The following ERLN variants were observed in gnomAD, a reference collection of about 807,000 sequenced individuals.
ERLN encodes small integral membrane protein 6.
At chr17:75,646,752 C>T in the ERLN span, 37 of 152,682 alleles carry the variant, frequency 2.4e-4, no homozygotes, top group African/African-American at 8.2e-4. Flanking sequence ...CTGAATTGCC[C>T]TTGTAGGACC....
At chr17:75,647,328 G>T in the ERLN span, 2 of 1,491,052 alleles carry the variant, frequency 1.3e-6, no homozygotes, top group Non-Finnish European at 1.8e-6. Flanking sequence ...GACAGGGCCT[G>T]GGAGGGCTGC....
chr17:75,647,658 A>G, the ERLN span: 14 of 1,230,870 alleles, frequency 1.1e-5, no homozygotes, highest in Non-Finnish European at 1.5e-5. Context: ...CCTCTGGCTC[A>G]GGGGCCAAGC....
the ERLN span, chr17:75,647,349 G>A: frequency 4.6e-6 from 7 of 1,530,654 alleles, no homozygotes; most frequent in Non-Finnish European, 6.2e-6. Flanking sequence ...CTGCACTCAG[G>A]TCCTCTGTCC....
chr17:75,647,690 C>G, the ERLN span: 1 of 869,688 alleles, frequency 1.1e-6, no homozygotes, highest in South Asian at 1.8e-5. Context: ...CCTTTCCCAT[C>G]AGGAAAAAGT....
chr17:75,647,129 T>C, the ERLN span, among the ~76,000 whole-genome samples: 4 of 152,160 alleles, frequency 2.6e-5, no homozygotes, highest in Non-Finnish European at 5.9e-5. Context: ...CTAGGAAGAA[T>C]CCAGGGCCCC....
chr17:75,647,295 G>C, the ERLN span: 1 of 1,298,800 alleles, frequency 7.7e-7, no homozygotes, highest in Non-Finnish European at 1.0e-6. Flanking sequence ...GGCTGGAGTC[G>C]GCGGGCAGAG....
At chr17:75,647,946 A>C in the ERLN span, 1 of 187,206 alleles carries the variant, frequency 5.3e-6, no homozygotes, top group Non-Finnish European at 1.2e-5. Flanking sequence ...ACACAACCAA[A>C]TGAAATAAAA....
At chr17:75,646,839 G>A in the ERLN span, 1 of 152,986 alleles carries the variant, frequency 6.5e-6, no homozygotes, top group Non-Finnish European at 1.5e-5. Flanking sequence ...CTATGGGCTT[G>A]CAGTCTGCGA....
chr17:75,647,417 C>A, the ERLN span: 2 of 1,549,836 alleles, frequency 1.3e-6, 1 homozygote, highest in South Asian at 2.4e-5. Flanking sequence ...TGGAATGATG[C>A]GTTCTGGCAG....
At chr17:75,647,146 T>G in the ERLN span, among the ~76,000 whole-genome samples, 1 of 152,218 alleles carries the variant, frequency 6.6e-6, no homozygotes, top group Admixed American at 6.5e-5. Context: ...CCCCACTTCT[T>G]GCGCCAGTCC....
chr17:75,647,541 G>C, the ERLN span: 1 of 1,550,300 alleles, frequency 6.5e-7, no homozygotes, highest in Non-Finnish European at 8.7e-7. Context: ...AAAACACTCA[G>C]TGTGAAGCGG....
At chr17:75,646,940 C>T in the ERLN span, among the ~76,000 whole-genome samples, 4 of 152,202 alleles carry the variant, frequency 2.6e-5, no homozygotes, top group African/African-American at 9.7e-5. Context: ...GGCCCCTCCT[C>T]GGCTCCTATA....
chr17:75,647,690 C>A, the ERLN span: 7 of 869,562 alleles, frequency 8.1e-6, no homozygotes, highest in African/African-American at 1.0e-4. Flanking sequence ...CCTTTCCCAT[C>A]AGGAAAAAGT....
At chr17:75,647,548 G>C in the ERLN span, 2 of 1,550,236 alleles carry the variant, frequency 1.3e-6, no homozygotes, top group South Asian at 2.4e-5. Context: ...TCAGTGTGAA[G>C]CGGGTGAAGA....
the ERLN span, among the ~76,000 whole-genome samples, chr17:75,647,100 G>C: frequency 6.6e-6 from 1 of 152,244 alleles, no homozygotes; most frequent in Non-Finnish European, 1.5e-5. Flanking sequence ...AGAAGGACTG[G>C]AGAATCCAGG....
Sources: gnomAD v4.1 joint callset for allele counts (sites outside exome capture counted in the v4.1 genomes callset) on GRCh38, gnomAD v4.1.1 for gene constraint, MANE v1.5 for transcripts, NCBI Gene and HGNC (gene_info 2026-07-23, HGNC 2026-07-21) for gene names.